Variants in MALRD1 observed in about 807,000 individuals in gnomAD.
MALRD1 encodes the protein MAM and LDL receptor class A domain containing 1.
Under a neutral mutation model 242.1 loss-of-function variants are expected in MALRD1, and 247 were observed. The ratio of observed to expected loss-of-function variants is 1.02; its 90% CI spans 0.92 to 1.13. The LOEUF is 1.13. MALRD1 is among the 50% of genes most tolerant of loss of function. The pLI, the probability that MALRD1 is intolerant of heterozygous loss-of-function variation, is 0.00. For synonymous variants in MALRD1, 995 were observed against 866.6 expected, an observed-to-expected ratio of 1.15 and a Z score of -2.60; for missense variants, 2,989 against 2,533.1, an observed-to-expected ratio of 1.18 and a Z score of -3.86.
intron 32 of MALRD1, among the ~76,000 whole-genome samples, chr10:19,544,495 G>A (rs1835119911): frequency 6.6e-6 from 1 of 151,886 alleles, no homozygotes; most frequent in Admixed American, 6.6e-5. Flanking sequence ...GCCTACTTGA[G>A]TCTTTAGATG....
intron 38 of MALRD1, among the ~76,000 whole-genome samples, chr10:19,693,776 T>G (rs1461859130): frequency 6.6e-6 from 1 of 152,178 alleles, no homozygotes; most frequent in East Asian, 1.9e-4. Flanking sequence ...AAGTCAATCC[T>G]AAGGCAAAAG....
chr10:19,575,828 C>A (rs1027796288), intron 33 of MALRD1, among the ~76,000 whole-genome samples: 8 of 152,214 alleles, frequency 5.3e-5, no homozygotes, highest in Middle Eastern at 3.4e-3. Context: ...CATTTGAGAC[C>A]TTATGATTGT....
At chr10:19,354,854 C>T (rs1229720783) in intron 26 of MALRD1, among the ~76,000 whole-genome samples, 1 of 152,098 alleles carries the variant, frequency 6.6e-6, no homozygotes, top group African/African-American at 2.4e-5. Context: ...CAAAATATTA[C>T]ATGCCCCCTA....
intron 14 of MALRD1, among the ~76,000 whole-genome samples, chr10:19,195,889 C>T (rs566652709): frequency 6.6e-6 from 1 of 152,298 alleles, no homozygotes; most frequent in South Asian, 2.1e-4. Flanking sequence ...CCCCGCCCTC[C>T]TCAATGAATA....
chr10:19,354,852 T>C (rs10734011), intron 26 of MALRD1, among the ~76,000 whole-genome samples: 119,616 of 152,104 alleles, frequency 0.79, 47,589 homozygotes, highest in African/African-American at 0.9. Context: ...ATCAAAATAT[T>C]ACATGCCCCC....
At chr10:19,322,206 C>T (rs1005900585) in intron 21 of MALRD1, among the ~76,000 whole-genome samples, 1 of 151,992 alleles carries the variant, frequency 6.6e-6, no homozygotes, top group African/African-American at 2.4e-5. Flanking sequence ...ACTGTTGCCT[C>T]TATGTATCTG....
At chr10:19,617,099 C>T (rs1172476526) in intron 36 of MALRD1, among the ~76,000 whole-genome samples, 3 of 151,920 alleles carry the variant, frequency 2.0e-5, no homozygotes, top group Non-Finnish European at 4.4e-5. Context: ...CAACTGCTTA[C>T]AGTAAAGAGG....
At chr10:19,629,980 T>C (rs1407205719) in intron 36 of MALRD1, among the ~76,000 whole-genome samples, 5 of 152,194 alleles carry the variant, frequency 3.3e-5, no homozygotes, top group African/African-American at 4.8e-5. Flanking sequence ...TCCCTCTTAG[T>C]AGAGAAATGT....
At chr10:19,431,808 G>C (rs2130949552) in intron 28 of MALRD1, among the ~76,000 whole-genome samples, 1 of 152,172 alleles carries the variant, frequency 6.6e-6, no homozygotes, top group South Asian at 2.1e-4. Flanking sequence ...CTGTTCTTCT[G>C]TTTGCATTGA....
intron 33 of MALRD1, among the ~76,000 whole-genome samples, chr10:19,575,628 C>T (rs1452037270): frequency 6.6e-6 from 1 of 152,098 alleles, no homozygotes; most frequent in Non-Finnish European, 1.5e-5. Context: ...CCTCAAAAAT[C>T]TCTTGGTTAT....
intron 25 of MALRD1, among the ~76,000 whole-genome samples, chr10:19,350,803 T>C (rs1323262814): frequency 6.6e-6 from 1 of 152,170 alleles, no homozygotes; most frequent in Admixed American, 6.5e-5. Flanking sequence ...TCCCTGTTTG[T>C]AGCTGCAAGG....
chr10:19,490,320 G>A (rs1350865713), intron 29 of MALRD1, among the ~76,000 whole-genome samples: 2 of 151,922 alleles, frequency 1.3e-5, no homozygotes, highest in Non-Finnish European at 2.9e-5. Flanking sequence ...CACAATGTCT[G>A]TTACAATAAA....
chr10:19,179,835 A>G (rs890975758), intron 14 of MALRD1, among the ~76,000 whole-genome samples: 6 of 152,198 alleles, frequency 3.9e-5, no homozygotes, highest in African/African-American at 7.2e-5. Flanking sequence ...TCATAAAACT[A>G]TAGATCCTGC....
In MALRD1 at chr10:19,311,800, T is replaced by C. The variant is rs1490938322; in HGVS notation, c.3420-12149T>C. On this transcript the variant is annotated intron_variant, in intron 21 of 39. Coordinates refer to ENST00000454679, the MANE Select transcript of MALRD1 (RefSeq NM_001142308.3). ...TCAAATCAAAGTTTCCTTTCAACAG[T>C]ATTTAAACTGTTAAAGCTTGTAAAA... Among the ~76,000 whole-genome samples, 3 of 151,512 alleles carry C rather than the reference T, an allele frequency of 2.0e-5. No homozygotes were observed. The Admixed American group carries it at 2.0e-4, about 10-fold the overall frequency.
At chr10:19,521,485 C>A (rs1207119200) in intron 31 of MALRD1, among the ~76,000 whole-genome samples, 1 of 152,060 alleles carries the variant, frequency 6.6e-6, no homozygotes, top group Admixed American at 6.6e-5. Flanking sequence ...ATTCCTCATG[C>A]ACTTTGTGTC....
In MALRD1 at chr10:19,562,301, A is replaced by G. The variant is rs779195772; in HGVS notation, c.5479-5201A>G. On this transcript the variant is annotated intron_variant, in intron 32 of 39. Coordinates refer to ENST00000454679, the MANE Select transcript of MALRD1 (RefSeq NM_001142308.3). ...CAGAGCGAGATGCTGTCTTAGGTAG[A>G]TAGATAGATAGATAGATAGATAGAT... 2.4e-4 allele frequency among the ~76,000 whole-genome samples: 17 copies of G among 69,942 alleles called. 1 individual carries two copies. Among genetic ancestry groups the G allele is most frequent in the African/African-American group, 8.7e-4 (11 of 12,716 alleles). 45.9% of individuals were successfully genotyped at this position (69,942 alleles called of 152,430 possible).
chr10:19,463,759 A>G (rs1836070794), intron 29 of MALRD1, among the ~76,000 whole-genome samples: 1 of 151,946 alleles, frequency 6.6e-6, no homozygotes, highest in African/African-American at 2.4e-5. Flanking sequence ...ATCAAATGGT[A>G]TTTCTACTCT....
intron 33 of MALRD1, among the ~76,000 whole-genome samples, chr10:19,580,090 G>T (rs7094890): frequency 0.047 from 7,208 of 152,122 alleles, 489 homozygotes; most frequent in African/African-American, 0.15. Context: ...ATCCACAGGG[G>T]ACCTTCTGGG....
intron 19 of MALRD1, among the ~76,000 whole-genome samples, chr10:19,267,641 A>G (rs977637630): frequency 3.3e-5 from 5 of 152,250 alleles, no homozygotes; most frequent in South Asian, 2.1e-4. Flanking sequence ...GCAGCTTTTC[A>G]TCTTCTAATA....
Sources: gnomAD v4.1 joint callset for allele counts (sites outside exome capture counted in the v4.1 genomes callset) on GRCh38, gnomAD v4.1.1 for gene constraint, MANE v1.5 for transcripts, NCBI Gene and HGNC (gene_info 2026-07-23, HGNC 2026-07-21) for gene names.